Variants in ITPRID1 observed in about 807,000 individuals in gnomAD.
ITPRID1 encodes the protein protein ITPRID1.
A neutral mutation model predicts 95.4 loss-of-function variants in ITPRID1; 96 were observed. That is an observed-to-expected ratio of 1.01 (90% confidence interval 0.85 to 1.19). The LOEUF (loss-of-function observed/expected upper bound fraction) is 1.19. ITPRID1 is among the 50% of genes most tolerant of loss of function. ITPRID1 has a pLI of 0.00. For missense variants in ITPRID1, 1,339 were observed against 1,252.9 expected, an observed-to-expected ratio of 1.07 and a Z score of -1.04; for synonymous variants, 510 against 453.6, an observed-to-expected ratio of 1.12 and a Z score of -1.58.
chr7:31,609,866 G>C (rs548774534), intron 10 of ITPRID1, among the ~76,000 whole-genome samples: 1 of 151,290 alleles, frequency 6.6e-6, no homozygotes. Flanking sequence ...TTTAAGGTAA[G>C]AGGTTAGGTA....
intron 1 of ITPRID1, among the ~76,000 whole-genome samples, chr7:31,521,345 C>T (rs1370692127): frequency 6.6e-6 from 1 of 152,074 alleles, no homozygotes; most frequent in Non-Finnish European, 1.5e-5. Flanking sequence ...TTTAGTAGTG[C>T]ATTAAATTTC....
At position 31,649,400 on chromosome 7, in the gene ITPRID1, GC is replaced by G. The variant is rs543277105; in HGVS notation, c.2584-1740del. Among the ~76,000 whole-genome samples the G allele has an allele frequency of 8.5e-3, 1,290 of 152,294 alleles. 9 individuals carry two copies. The highest frequency in any genetic ancestry group is 0.041 in the South Asian group (198 of 4,824). The stretch of plus-strand genomic sequence containing the variant: ...AAGAAGAGAAGCTTCAAAACAGCCA[GC>G]CTGCAAGATCAGTTTCCTTTAAAGC... On this transcript the variant is annotated intron_variant, in intron 12 of 14. Transcript: ENST00000615280.
chr7:31,646,320 G>C (rs562539533), intron 12 of ITPRID1, among the ~76,000 whole-genome samples: 9 of 152,236 alleles, frequency 5.9e-5, no homozygotes, highest in Admixed American at 2.0e-4. Context: ...GAGGTACTAG[G>C]GGTGTCCTGA....
At position 31,608,926 on chromosome 7, in the gene ITPRID1, T is replaced by C. The variant is rs549007788; in HGVS notation, c.1228+25735T>C. On this transcript the variant is annotated intron_variant, in intron 10 of 14. Coordinates refer to ENST00000615280, the MANE Select transcript of ITPRID1 (RefSeq NM_001257967.3). ...TTAATTTTATGGGGAAAAATTTTAG[T>C]ATTTTACCATTATGTATGATGTTAG... Among the ~76,000 whole-genome samples the C allele has an allele frequency of 1.8e-4, 27 of 151,850 alleles. No individual in the cohort carries two copies. In the East Asian group the frequency reaches 5.0e-3, roughly 28 times the overall value.
At chr7:31,581,146 C>T (rs942274233) in intron 9 of ITPRID1, among the ~76,000 whole-genome samples, 1 of 152,058 alleles carries the variant, frequency 6.6e-6, no homozygotes, top group Non-Finnish European at 1.5e-5. Context: ...ATTTTCATGG[C>T]ATTTAAAACA....
chr7:31,547,941 C>T (rs12701120), intron 1 of ITPRID1, among the ~76,000 whole-genome samples: 27,026 of 151,928 alleles, frequency 0.18, 3,007 homozygotes, highest in East Asian at 0.3. Context: ...TGGGAATCAT[C>T]ATTGGTTTCA....
At chr7:31,552,146 T>A (rs10276028) in intron 2 of ITPRID1, among the ~76,000 whole-genome samples, 69,679 of 141,528 alleles carry the variant, frequency 0.49, 22,672 homozygotes, top group Middle Eastern at 0.61. Context: ...GTTTTACAGG[T>A]TGTTCATGAA....
intron 10 of ITPRID1, among the ~76,000 whole-genome samples, chr7:31,605,408 A>G (rs1413264797): frequency 6.6e-6 from 1 of 152,208 alleles, no homozygotes; most frequent in African/African-American, 2.4e-5. Context: ...TGAATATTGC[A>G]TCAAGAAACC....
rs1357402892 is a variant in ITPRID1, at chr7:31,619,651, T to G, written c.1229-22525T>G. Among the ~76,000 whole-genome samples, 3 of 152,068 alleles carry G rather than the reference T, an allele frequency of 2.0e-5. No individual in the cohort carries two copies. In the East Asian group the frequency reaches 5.8e-4, roughly 30 times the overall value. On this transcript the variant is annotated intron_variant, in intron 10 of 14. Coordinates refer to ENST00000615280, the MANE Select transcript of ITPRID1 (RefSeq NM_001257967.3). ...GCCAAGATGGCCGAATAGGAACAGC[T>G]CCAGTCTACAGCCCCCAGCGTGAGC...
At chr7:31,649,969 G>C (rs1355589352) in intron 12 of ITPRID1, among the ~76,000 whole-genome samples, 1 of 152,130 alleles carries the variant, frequency 6.6e-6, no homozygotes, top group Non-Finnish European at 1.5e-5. Flanking sequence ...TGAAGAGTAG[G>C]GGCTCAGTAG....
At chr7:31,580,047 C>A (rs1785338921) in intron 9 of ITPRID1, among the ~76,000 whole-genome samples, 1 of 151,866 alleles carries the variant, frequency 6.6e-6, no homozygotes, top group Non-Finnish European at 1.5e-5. Context: ...ACCTGTAATC[C>A]CAACACTTTG....
intron 10 of ITPRID1, among the ~76,000 whole-genome samples, chr7:31,599,314 A>G (rs774561011): frequency 2.0e-5 from 3 of 152,210 alleles, no homozygotes; most frequent in Non-Finnish European, 4.4e-5. Flanking sequence ...TTGGGTACAT[A>G]CAATATATAA....
chr7:31,653,189 C>T lies in ITPRID1; in HGVS notation c.*360C>T, dbSNP rs529909032. 4.7e-5 allele frequency: 10 copies of T among 213,176 alleles called. No individual in the cohort carries two copies. The highest frequency in any genetic ancestry group is 1.5e-4 in the Admixed American group (3 of 19,536). The allele number at this position is 213,176 out of a possible 1,614,324, so 13.2% of individuals were successfully genotyped here. A position where few individuals can be genotyped will look rare whatever the true frequency, so the allele number is the denominator to read the frequency against. ...TTATTTTGCCAAGGTTAAGGATACA[C>T]ACCCAGAAGACAGGTCTGTGCCTTT... is the stretch of plus-strand genomic sequence containing the variant. On this transcript the variant is annotated 3_prime_UTR_variant, in exon 15 of 15. Transcript: ENST00000615280.
intron 10 of ITPRID1, among the ~76,000 whole-genome samples, chr7:31,626,248 T>C (rs186063367): frequency 1.3e-3 from 200 of 152,320 alleles, no homozygotes; most frequent in Non-Finnish European, 2.4e-3. Flanking sequence ...TAATGAAATA[T>C]ACTTTGTGTG....
In ITPRID1 at chr7:31,654,686, C is replaced by A. The variant is rs556128054; in HGVS notation, c.*1857C>A. On this transcript the variant is annotated 3_prime_UTR_variant, in exon 15 of 15. Transcript: ENST00000615280. ...GAATGGCACACAAAGGCCAGAGGCA[C>A]TGGGTCTCTAAGGAATGGGGAATAG... Among the ~76,000 whole-genome samples the A allele has an allele frequency of 1.3e-5, 2 of 152,184 alleles. No homozygotes were observed. The highest frequency in any genetic ancestry group is 4.2e-4 in the South Asian group (2 of 4,814).
intron 6 of ITPRID1, among the ~76,000 whole-genome samples, chr7:31,571,604 T>C (rs552972314): frequency 2.0e-5 from 3 of 152,206 alleles, no homozygotes; most frequent in Non-Finnish European, 4.4e-5. Flanking sequence ...TTTTCCATAG[T>C]AAAGGAGTTT....
At chr7:31,624,503 G>C (rs1788249497) in intron 10 of ITPRID1, among the ~76,000 whole-genome samples, 2 of 76,260 alleles carry the variant, frequency 2.6e-5, no homozygotes, top group African/African-American at 4.2e-5. Context: ...ACAAACCTGA[G>C]AAAAACAAGC....
chr7:31,623,737 G>T (rs38358), intron 10 of ITPRID1, among the ~76,000 whole-genome samples: 14,738 of 142,664 alleles, frequency 0.1, 1,083 homozygotes, highest in Non-Finnish European at 0.14. Flanking sequence ...CTATCACCAC[G>T]CCTATTCAAC....
chr7:31,600,180 C>T (rs1365431068), intron 10 of ITPRID1, among the ~76,000 whole-genome samples: 2 of 152,074 alleles, frequency 1.3e-5, no homozygotes, highest in African/African-American at 4.8e-5. Flanking sequence ...GCCAAATAGA[C>T]AAATGAGTTA....
Sources: allele counts gnomAD v4.1 joint callset (sites outside exome capture counted in the v4.1 genomes callset), GRCh38; gene constraint gnomAD v4.1.1; transcripts MANE v1.5; gene names NCBI Gene and HGNC (gene_info 2026-07-23, HGNC 2026-07-21).